The following KLHL5 variants were observed in gnomAD, a reference collection of about 807,000 sequenced individuals.
KLHL5 encodes kelch-like protein 5.
KLHL5 carries 48 observed loss-of-function variants against 77.7 expected under a neutral mutation model. That is an observed-to-expected ratio of 0.62 (90% confidence interval 0.49 to 0.79). The LOEUF is 0.79. Among genes scored for constraint, KLHL5 ranks in the 30% least tolerant of loss-of-function variants. KLHL5 has a pLI of 0.00. For synonymous variants in KLHL5, 260 were observed against 297.0 expected, an observed-to-expected ratio of 0.88 and a Z score of 1.28; for missense variants, 723 against 859.7, an observed-to-expected ratio of 0.84 and a Z score of 1.99.
At chr4:39,044,911 G>A (rs561721840), upstream of KLHL5, 72 of 983,744 alleles carry the variant, frequency 7.3e-5, no homozygotes, top group South Asian at 3.2e-3. Flanking sequence ...GCCGCCTGAC[G>A]GAGCGGGAGT....
chr4:39,098,850 C>T (rs1218425683), intron 6 of KLHL5, among the ~76,000 whole-genome samples: 1 of 152,004 alleles, frequency 6.6e-6, no homozygotes, highest in Middle Eastern at 3.4e-3. Context: ...AGGCATGAGC[C>T]ACAGTGCCCG....
At chr4:39,069,430 T>TTA (rs60740721) in intron 1 of KLHL5, among the ~76,000 whole-genome samples, 52 of 30,334 alleles carry the variant, frequency 1.7e-3, no homozygotes, top group Non-Finnish European at 2.2e-3. Context: ...TATTAACATT[T>TTA]TATATATATA....
intron 1 of KLHL5, among the ~76,000 whole-genome samples, chr4:39,049,418 T>C (rs1303306615): frequency 1.3e-5 from 2 of 152,270 alleles, no homozygotes; most frequent in South Asian, 4.1e-4. Flanking sequence ...GTGTAGTGGC[T>C]CAAGACTGTG....
At chr4:39,137,905 G>T in the KLHL5 span, among the ~76,000 whole-genome samples, 2 of 151,970 alleles carry the variant, frequency 1.3e-5, no homozygotes, top group Non-Finnish European at 2.9e-5. Context: ...AGTGGGCAAA[G>T]GACAAGAACG....
At chr4:39,142,076 A>G in the KLHL5 span, among the ~76,000 whole-genome samples, 1 of 152,220 alleles carries the variant, frequency 6.6e-6, no homozygotes, top group Non-Finnish European at 1.5e-5. Flanking sequence ...ATCACAAACT[A>G]CACAGGATCA....
chr4:39,142,585 T>G, the KLHL5 span, among the ~76,000 whole-genome samples: 1 of 152,204 alleles, frequency 6.6e-6, no homozygotes, highest in South Asian at 2.1e-4. Flanking sequence ...ACTCATGGTG[T>G]ACCAGAGAAA....
chr4:39,139,448 T>C, the KLHL5 span, among the ~76,000 whole-genome samples: 2 of 152,096 alleles, frequency 1.3e-5, no homozygotes, highest in Non-Finnish European at 2.9e-5. Flanking sequence ...AACTATTCTG[T>C]ATGACACTAT....
chr4:39,063,352 CCTT>C (rs1436541360), intron 1 of KLHL5, among the ~76,000 whole-genome samples: 1 of 151,832 alleles, frequency 6.6e-6, no homozygotes, highest in East Asian at 1.9e-4. Flanking sequence ...CATTCATTAA[CCTT>C]CTATATTCAT....
chr4:39,116,923 A>G (rs1346001102), intron 10 of KLHL5, among the ~76,000 whole-genome samples: 3 of 151,752 alleles, frequency 2.0e-5, no homozygotes, highest in Non-Finnish European at 4.4e-5. Flanking sequence ...TGCAACCTTC[A>G]CCTCCCGCAT....
At chr4:39,117,802 C>T (rs576852359) in intron 10 of KLHL5, among the ~76,000 whole-genome samples, 4 of 152,260 alleles carry the variant, frequency 2.6e-5, no homozygotes, top group East Asian at 3.9e-4. Context: ...AGGCCAGGTA[C>T]GGTGGCTCAC....
intron 1 of KLHL5, among the ~76,000 whole-genome samples, chr4:39,051,859 TATTTATGGTTC>T (rs1199325735): frequency 8.5e-5 from 13 of 152,306 alleles, no homozygotes; most frequent in Admixed American, 2.6e-4. Context: ...CCTTATGAGG[TATTTATGGTTC>T]ATTTATAGTT....
the KLHL5 span, among the ~76,000 whole-genome samples, chr4:39,136,115 C>G: frequency 6.6e-6 from 1 of 150,858 alleles, no homozygotes; most frequent in South Asian, 2.1e-4. Context: ...ATAGATAGTA[C>G]TTAAATAATT....
At position 39,107,596 on chromosome 4, in the gene KLHL5, A is replaced by T. The variant is rs1450234691; in HGVS notation, c.1553A>T (p.Tyr518Phe). The T allele has an allele frequency of 6.2e-7, 1 of 1,612,192 alleles. No individual in the cohort carries two copies. Among genetic ancestry groups the T allele is most frequent in the Non-Finnish European group, 8.5e-7 (1 of 1,178,660 alleles). Residue 518 changes from tyrosine (Y) to phenylalanine (F), a missense_variant, in exon 8 of 11, where the codon TAT becomes TTT. Physicochemically the swap from Tyr to Phe is conservative, Grantham distance 22 (BLOSUM62 3). Coordinates refer to ENST00000504108, the MANE Select transcript of KLHL5 (RefSeq NM_015990.5). ...GTGGCTGTACTGGAAGGTCCCATGT[A>T]TGCCGTAGGAGGACATGATGGCTGG... ...LGVAVLEGPMYAVGGHDGWSY... is the reference protein window; with the variant it reads ...LGVAVLEGPMFAVGGHDGWSY...
At chr4:39,113,324 A>G in intron 9 of KLHL5, 92 bp downstream of exon 9, 1 of 1,075,686 alleles carries the variant, frequency 9.3e-7, no homozygotes, top group Non-Finnish European at 1.3e-6. Context: ...GGAGAATTGG[A>G]AGGGAAAGTC....
the KLHL5 span, among the ~76,000 whole-genome samples, chr4:39,136,928 A>G: frequency 1.3e-4 from 20 of 152,182 alleles, no homozygotes; most frequent in African/African-American, 4.8e-4. Flanking sequence ...AAGCAGGAAA[A>G]CATGGGCATC....
Position 39,126,095 on chromosome 4 carries a change from G to A in KLHL5, c.*5029G>A, listed in dbSNP as rs866888789. Among the ~76,000 whole-genome samples, 5 of 152,044 alleles carry A rather than the reference G, an allele frequency of 3.3e-5. No individual in the cohort carries two copies. The highest frequency in any genetic ancestry group is 7.2e-5 in the African/African-American group (3 of 41,398). ...TTAACGGGGAACTTCCCCACCGTCC[G>A]GTACATGGCAGGCATTCCACAAATG... On this transcript the variant is annotated 3_prime_UTR_variant, in exon 11 of 11. Transcript: ENST00000504108.
intron 8 of KLHL5, chr4:39,112,730 C>T: frequency 2.9e-6 from 1 of 342,236 alleles, no homozygotes; most frequent in Non-Finnish European, 5.4e-6. Context: ...TCTGAATTTC[C>T]ATGCATATTA....
At chr4:39,115,690 G>T (rs1722784657) in intron 10 of KLHL5, 2 of 1,239,298 alleles carry the variant, frequency 1.6e-6, no homozygotes, top group Non-Finnish European at 2.0e-6. Context: ...TGAACAACTT[G>T]CCCATGTGTG....
intron 5 of KLHL5, among the ~76,000 whole-genome samples, chr4:39,090,786 A>G (rs1560425968): frequency 6.6e-6 from 1 of 151,764 alleles, no homozygotes; most frequent in Admixed American, 6.6e-5. Flanking sequence ...ATAATCCAGA[A>G]GAGAAGTATT....
Sources: allele counts gnomAD v4.1 joint callset (sites outside exome capture counted in the v4.1 genomes callset), GRCh38; gene constraint gnomAD v4.1.1; transcripts MANE v1.5; gene names NCBI Gene and HGNC (gene_info 2026-07-23, HGNC 2026-07-21).